Variants in FLCN observed in about 807,000 individuals in gnomAD.
FLCN encodes the protein BHD skin lesion fibrofolliculoma protein.
A neutral mutation model predicts 62.5 loss-of-function variants in FLCN; 22 were observed. The ratio of observed to expected loss-of-function variants is 0.35; its 90% confidence interval spans 0.25 to 0.50. FLCN has a LOEUF of 0.50. FLCN is among the 20% of genes least tolerant of loss of function. The probability of loss-of-function intolerance (pLI) is 0.97; values close to 1 mark genes in which losing one functional copy is unlikely to be tolerated. For synonymous variants in FLCN, 319 were observed against 310.0 expected (o/e 1.03, Z -0.30); for missense variants, 657 against 778.0 (o/e 0.84, Z 1.85).
intron 1 of FLCN, among the ~76,000 whole-genome samples, chr17:17,233,289 C>CA (rs902370903): frequency 2.4e-4 from 36 of 152,086 alleles, no homozygotes; most frequent in African/African-American, 8.2e-4. Context: ...CCTGTCTCTA[C>CA]AAAAAATTTT....
chr17:17,217,471 A>G, intron 9 of FLCN: 1 of 468,674 alleles, frequency 2.1e-6, no homozygotes, highest in South Asian at 2.1e-5. Flanking sequence ...TTTGTGCAAT[A>G]TTCACCTTCT....
intron 5 of FLCN, chr17:17,224,907 A>G (rs974553767): frequency 6.5e-6 from 1 of 152,984 alleles, no homozygotes; most frequent in Non-Finnish European, 1.5e-5. Context: ...CTTAACACAC[A>G]ATTCTAACAG....
intron 3 of FLCN, chr17:17,231,452 C>T (rs534136403): frequency 6.6e-6 from 1 of 152,022 alleles, no homozygotes; most frequent in Admixed American, 6.5e-5. Flanking sequence ...GGAGAGGAAA[C>T]AGAGTTTCAA....
chr17:17,231,735 C>T (rs1437980982), intron 3 of FLCN, 59 bp downstream of exon 3: 2 of 152,400 alleles, frequency 1.3e-5, no homozygotes, highest in African/African-American at 4.8e-5. Context: ...GCCAGCCTCT[C>T]TGCCGGCGGC....
At chr17:17,236,561 T>G (rs2047586711) in intron 1 of FLCN, among the ~76,000 whole-genome samples, 1 of 152,018 alleles carries the variant, frequency 6.6e-6, no homozygotes, top group Non-Finnish European at 1.5e-5. Flanking sequence ...AGAAGCGCGG[T>G]CTTCCACCCT....
Position 17,215,108 on chromosome 17 carries a change from G to A in FLCN, c.1433-18C>T. 1 of 1,613,824 alleles carries A rather than the reference G, an allele frequency of 6.2e-7. No homozygotes were observed. The highest frequency in any genetic ancestry group is 8.5e-7 in the Non-Finnish European group (1 of 1,179,916). ...GGGGCCCACTGGGGAGAAGGGCAGG[G>A]GCAGAGCAAGGGCAGGCGTTAGCGC... is the stretch of plus-strand genomic sequence containing the variant. On this transcript the variant is annotated intron_variant, in intron 12 of 13. Coordinates refer to ENST00000285071, the MANE Select transcript of FLCN (RefSeq NM_144997.7).
chr17:17,224,359 C>G (rs1292685359), intron 5 of FLCN: 2 of 591,892 alleles, frequency 3.4e-6, no homozygotes, highest in Non-Finnish European at 6.0e-6. Context: ...CTGCAAGGGC[C>G]GGTAACAAGG....
At position 17,213,670 on chromosome 17, in the gene FLCN, C is replaced by T. The variant is rs760307957; in HGVS notation, c.1725G>A (p.Ser575=). 85 of 1,613,992 alleles carry T rather than the reference C, an allele frequency of 5.3e-5. No homozygotes were observed. Among genetic ancestry groups the T allele is most frequent in the South Asian group, 6.6e-5 (6 of 91,054 alleles). ...GTGTGACGGGTCAGTTCCGAGACTC[C>T]GAGGCTGTGGGGCTGCGGACCGTGG... The part of the protein sequence containing the change: ...LMSTVRSPTA[S]ESRN Residue 575 remains serine (S), a synonymous_variant, in exon 14 of 14, where the codon TCG becomes TCA. Transcript: ENST00000285071.
Position 17,221,188 on chromosome 17 carries a change from T to C in FLCN, c.871+349A>G, listed in dbSNP as rs147687712. The C allele has an allele frequency of 7.7e-4, 1,153 of 1,490,776 alleles. 6 individuals carry two copies. The African/African-American group carries it at 0.012, about 16-fold the overall frequency. The allele number at this position is 1,490,776 out of a possible 1,614,324, so 92.3% of individuals were successfully genotyped here. A position where few individuals can be genotyped will look rare whatever the true frequency, so the allele number is the denominator to read the frequency against. ...GGACGAACTGAAACAGAACACTTTA[T>C]TTGTAAAGGAGCAAAGACCGTCGAC... On this transcript the variant is annotated intron_variant, in intron 8 of 13. Coordinates refer to ENST00000285071, the MANE Select transcript of FLCN (RefSeq NM_144997.7).
chr17:17,226,103 C>A, intron 5 of FLCN, 73 bp downstream of exon 5: 1 of 1,602,886 alleles, frequency 6.2e-7, no homozygotes, highest in Non-Finnish European at 8.5e-7. Context: ...GCAATGCTGG[C>A]TCCGAGCCCA....
intron 4 of FLCN, 89 bp downstream of exon 4, chr17:17,227,800 C>T (rs1018555213): frequency 3.1e-6 from 5 of 1,592,322 alleles, no homozygotes; most frequent in African/African-American, 1.3e-5. Flanking sequence ...TGTGTCACCC[C>T]GGGAGGCCCC....
Position 17,216,240 on chromosome 17 carries a change from G to A in FLCN, c.1300+140C>T. 7.9e-7 allele frequency: 1 copy of A among 1,264,028 alleles called. No homozygotes were observed. The highest frequency in any genetic ancestry group is 2.2e-5 in the Admixed American group (1 of 45,712). The allele number at this position is 1,264,028 out of a possible 1,614,324, so 78.3% of individuals were successfully genotyped here. On this transcript the variant is annotated intron_variant, in intron 11 of 13. Transcript: ENST00000285071. This position sits in a 1 kb window ranked among gnomAD's most constrained non-coding sequence, Gnocchi z 4.0. ...ACCTGTGTGAAGATAGAACACGGAGGCCCAGAGCCATGGGGGAAGCTGGCC... is the reference window on the plus strand; with the variant it reads ...ACCTGTGTGAAGATAGAACACGGAGACCCAGAGCCATGGGGGAAGCTGGCC...
In FLCN at chr17:17,214,975, T is replaced by C; in HGVS notation, c.1538+10A>G. 1 of 1,613,216 alleles carries C rather than the reference T, an allele frequency of 6.2e-7. No individual in the cohort carries two copies. The highest frequency in any genetic ancestry group is 8.5e-7 in the Non-Finnish European group (1 of 1,179,460). ...GCAAGCAAAGGGGCCTCACCCACAC[T>C]GTTGCTTACTTCATCCACTCCTCCT... On this transcript the variant is annotated intron_variant, in intron 13 of 13. Coordinates refer to ENST00000285071, the MANE Select transcript of FLCN (RefSeq NM_144997.7).
chr17:17,235,808 G>A (rs548907201), intron 1 of FLCN: 1 of 152,322 alleles, frequency 6.6e-6, no homozygotes, highest in South Asian at 2.1e-4. Context: ...TGTGTCTCAC[G>A]AGTCTGTTTC....
intron 5 of FLCN, 159 bp from the exon 6 acceptor site, chr17:17,224,302 T>A: frequency 1.5e-6 from 1 of 680,138 alleles, no homozygotes; most frequent in East Asian, 2.7e-5. Context: ...AAGACTGTAC[T>A]CTTCTGCTCC....
Position 17,226,326 on chromosome 17 carries a change from T to C in FLCN, c.250-4A>G, listed in dbSNP as rs777642771. On this transcript the variant is annotated splice_polypyrimidine_tract_variant and splice_region_variant and intron_variant, in intron 4 of 13. Coordinates refer to ENST00000285071, the MANE Select transcript of FLCN (RefSeq NM_144997.7). ...CTGCAGCAAGTGACCGGCAGCCCTG[T>C]CCATGAAAAGGAAAAGTAAATCTGT... 8.1e-6 allele frequency: 13 copies of C among 1,614,042 alleles called. No homozygotes were observed. Among genetic ancestry groups the C allele is most frequent in the South Asian group, 7.7e-5 (7 of 91,082 alleles).
At chr17:17,231,050 AT>A (rs1256720849) in intron 3 of FLCN, among the ~76,000 whole-genome samples, 1 of 151,874 alleles carries the variant, frequency 6.6e-6, no homozygotes, top group African/African-American at 2.4e-5. Flanking sequence ...TACAAAAAAA[AT>A]TAGCCAGGCA....
intron 8 of FLCN, 22 bp from the exon 9 acceptor site, chr17:17,219,231 C>G: frequency 6.2e-7 from 1 of 1,612,110 alleles, no homozygotes; most frequent in Non-Finnish European, 8.5e-7. Flanking sequence ...ATGACAAGGA[C>G]AGTTACAGAT....
At position 17,215,317 on chromosome 17, in the gene FLCN, CTG is replaced by C. The variant is rs2046884167; in HGVS notation, c.1301-3_1301-2del. ...TGGACCTCCACGATGACAGCAAACT[CTG>C]TAACAACACAAGGCCCGTGGCTCCT... On this transcript the variant is annotated splice_acceptor_variant and splice_polypyrimidine_tract_variant and intron_variant, in intron 11 of 13. Transcript: ENST00000285071. LOFTEE classifies it high-confidence loss of function. 6 of 1,613,960 alleles carry C rather than the reference CTG, an allele frequency of 3.7e-6. No homozygotes were observed. The highest frequency in any genetic ancestry group is 5.1e-6 in the Non-Finnish European group (6 of 1,180,018).
Sources: allele counts gnomAD v4.1 joint callset (sites outside exome capture counted in the v4.1 genomes callset), GRCh38; gene constraint gnomAD v4.1.1; non-coding constraint Gnocchi (gnomAD v3.1); transcripts MANE v1.5; gene names NCBI Gene and HGNC (gene_info 2026-07-23, HGNC 2026-07-21).